The following GP2 variants were observed in gnomAD, a reference collection of about 807,000 sequenced individuals.
GP2 encodes the protein glycoprotein 2.
In GP2, 58 loss-of-function variants were observed where a neutral mutation model predicts 60.8. The observed-to-expected ratio is 0.95, with a 90% CI of 0.77 to 1.19. GP2 has a LOEUF of 1.19. GP2 is among the 50% of genes most tolerant of loss of function. The pLI is 0.00. For missense variants in GP2, 647 were observed against 667.4 expected (o/e 0.97, Z 0.34); for synonymous variants, 280 against 253.4 (o/e 1.10, Z -1.00).
intron 4 of GP2, among the ~76,000 whole-genome samples, chr16:20,321,069 T>A (rs529682201): frequency 2.1e-4 from 31 of 147,998 alleles, no homozygotes; most frequent in African/African-American, 7.2e-4. Flanking sequence ...TTTTTTTTTT[T>A]AGACAGAGTT....
At chr16:20,323,060 T>C in intron 3 of GP2, 81 bp from the exon 4 acceptor site, 1 of 740,056 alleles carries the variant, frequency 1.4e-6, no homozygotes, top group Non-Finnish European at 2.4e-6. Flanking sequence ...CCCTTTCATT[T>C]CACCGGGGCA....
In GP2 at chr16:20,322,893, A is replaced by G. The variant is rs1241672598; in HGVS notation, c.622T>C (p.Cys208Arg). ...LALNSTWGCF[C>R]RQDLNSSDVH... ...CCAGAACTATTGAGGTCCTGTCTGC[A>G]GAAACAGCCCCAGGTGCTGTTGAGG... Residue 208 changes from cysteine (C) to arginine (R), a missense_variant, in exon 4 of 11, where the codon TGC (cysteine) becomes CGC (arginine). Coordinates refer to ENST00000302555, the MANE Select transcript of GP2 (RefSeq NM_001502.4). 3 of 1,605,930 alleles carry G rather than the reference A, an allele frequency of 1.9e-6. No individual in the cohort carries two copies. The highest frequency in any genetic ancestry group is 2.6e-6 in the Non-Finnish European group (3 of 1,172,662).
At chr16:20,316,567 T>G (rs1009096409) in intron 8 of GP2, among the ~76,000 whole-genome samples, 1 of 152,114 alleles carries the variant, frequency 6.6e-6, no homozygotes, top group Non-Finnish European at 1.5e-5. Context: ...GAGACTTACA[T>G]TAAAAAATGT....
At chr16:20,315,450 C>T (rs1322750342) in intron 9 of GP2, among the ~76,000 whole-genome samples, 1 of 152,110 alleles carries the variant, frequency 6.6e-6, no homozygotes, top group African/African-American at 2.4e-5. Flanking sequence ...ATATTATACT[C>T]CAGAATACTG....
In GP2 at chr16:20,326,344, G is replaced by T. The variant is rs779406499; in HGVS notation, c.88C>A (p.Gln30Lys). Reference sequence around the variant, plus strand: ...AGGTGAGCAGAATACTTACCTCGCTGCACTGCAGATGCCTGGGTCAGAATG... The same window carrying T: ...AGGTGAGCAGAATACTTACCTCGCTTCACTGCAGATGCCTGGGTCAGAATG... The part of the protein sequence containing the change: ...SCILTQASAV[Q>K]RGYGNPIEAS... Residue 30 changes from glutamine (Q) to lysine (K), a missense_variant, in exon 2 of 11, where the codon CAG (glutamine) becomes AAG (lysine). Coordinates refer to ENST00000302555, the MANE Select transcript of GP2 (RefSeq NM_001502.4). 9.9e-6 allele frequency: 16 copies of T among 1,613,718 alleles called. No homozygotes were observed. The highest frequency in any genetic ancestry group is 1.3e-5 in the Non-Finnish European group (15 of 1,179,650).
rs539909863 is a variant in GP2 at position 20,323,489 on chromosome 16, C to A, written c.535+327G>T. ...ATTAGCTGTTATTTTTGCTGTACCC[C>A]CCCCCCCTTTTTTTCAGATCAGAAC... On this transcript the variant is annotated intron_variant, in intron 3 of 10. Coordinates refer to ENST00000302555, the MANE Select transcript of GP2 (RefSeq NM_001502.4). 22 of 615,960 alleles carry A rather than the reference C, an allele frequency of 3.6e-5. No individual in the cohort carries two copies. The East Asian group carries it at 5.1e-4, about 14-fold the overall frequency. The allele number at this position is 615,960 out of a possible 1,614,324, so 38.2% of individuals were successfully genotyped here. A position where few individuals can be genotyped will look rare whatever the true frequency, so the allele number is the denominator to read the frequency against.
Position 20,311,141 on chromosome 16 carries a change from G to A in GP2, c.*82C>T. 3.5e-6 allele frequency: 3 copies of A among 845,098 alleles called. No homozygotes were observed. The East Asian group carries it at 7.3e-5, about 21-fold the overall frequency. 52.3% of individuals were successfully genotyped at this position (845,098 alleles called of 1,614,324 possible). A position where few individuals can be genotyped will look rare whatever the true frequency, so the allele number is the denominator to read the frequency against. On this transcript the variant is annotated 3_prime_UTR_variant, in exon 11 of 11. Coordinates refer to ENST00000302555, the MANE Select transcript of GP2 (RefSeq NM_001502.4). ...TATTAATACCAAGCCTGTGTGAATTGGAGTGGAAAGCAGAAGTGCTGAAGG... is the reference window on the plus strand; with the variant it reads ...TATTAATACCAAGCCTGTGTGAATTAGAGTGGAAAGCAGAAGTGCTGAAGG...
rs1463532740 is a variant in GP2 at position 20,323,939 on chromosome 16, A to G, written c.412T>C (p.Cys138Arg). Residue 138 changes from cysteine (C) to arginine (R), a missense_variant, in exon 3 of 11, where the codon TGT becomes CGT. Cys to Arg is a radical substitution (Grantham distance 180, BLOSUM62 -3). Coordinates refer to ENST00000302555, the MANE Select transcript of GP2 (RefSeq NM_001502.4). ...CAGCAGTTGCCACTCCAATGGGCAC[A>G]GGCAGTGTGGTTGGTGATGCCATCC... ...LGDGITNHTA[C>R]AHWSGNCCFW... 1 of 1,613,900 alleles carries G rather than the reference A, an allele frequency of 6.2e-7. No individual in the cohort carries two copies. The highest frequency in any genetic ancestry group is 8.5e-7 in the Non-Finnish European group (1 of 1,179,848).
In GP2 at chr16:20,309,592, A is replaced by G. The variant is rs1404301151; in HGVS notation, c.*1631T>C. The G allele has an allele frequency of 1.3e-5, 2 of 152,200 alleles. No homozygotes were observed. Among genetic ancestry groups the G allele is most frequent in the Non-Finnish European group, 2.9e-5 (2 of 68,044 alleles). The allele number at this position is 152,200 out of a possible 1,614,324, so 9.4% of individuals were successfully genotyped here. On this transcript the variant is annotated 3_prime_UTR_variant, in exon 11 of 11. Coordinates refer to ENST00000302555, the MANE Select transcript of GP2 (RefSeq NM_001502.4). ...AGTGATGTGAAGCTAGAATGTCCAT[A>G]TTTAATCAAGGGATGAGTGAACAGG...
chr16:20,310,922 A>G lies in GP2; in HGVS notation c.*301T>C. ...CAGGCGCCTGCCACCATGCCTGGCTAATTTTTGTATTTTTAGTAGAGACGG... is the reference window on the plus strand; with the variant it reads ...CAGGCGCCTGCCACCATGCCTGGCTGATTTTTGTATTTTTAGTAGAGACGG... On this transcript the variant is annotated 3_prime_UTR_variant, in exon 11 of 11. Transcript: ENST00000302555. 1 of 223,546 alleles carries G rather than the reference A, an allele frequency of 4.5e-6. No individual in the cohort carries two copies. The highest frequency in any genetic ancestry group is 9.0e-6 in the Non-Finnish European group (1 of 110,970). The allele number at this position is 223,546 out of a possible 1,614,324, so 13.8% of individuals were successfully genotyped here. A position where few individuals can be genotyped will look rare whatever the true frequency, so the allele number is the denominator to read the frequency against.
At chr16:20,319,837 A>T (rs1964297138) in intron 5 of GP2, 69 bp from the exon 6 acceptor site, 3 of 1,261,048 alleles carry the variant, frequency 2.4e-6, no homozygotes. Context: ...TCAAATCCAG[A>T]TCTGATTTCC....
At chr16:20,319,323 C>A (rs1964276810) in intron 6 of GP2, among the ~76,000 whole-genome samples, 1 of 152,178 alleles carries the variant, frequency 6.6e-6, no homozygotes, top group South Asian at 2.1e-4. Flanking sequence ...GGTGAATGAA[C>A]TTTGAACTTG....
rs12596974 is a variant in GP2, at chr16:20,310,838, C to A, written c.*385G>T. 11,933 of 172,268 alleles carry A rather than the reference C, an allele frequency of 0.069. 1,695 individuals are homozygous for A. The highest frequency in any genetic ancestry group is 0.68 in the East Asian group (3,699 of 5,408). The allele number at this position is 172,268 out of a possible 1,614,324, so 10.7% of individuals were successfully genotyped here. On this transcript the variant is annotated 3_prime_UTR_variant, in exon 11 of 11. Transcript: ENST00000302555. ...ATGGCACAATCTCAACTCACTGCAA[C>A]CTCCACCCCCTGAGTTCGAGCAATT...
At position 20,318,236 on chromosome 16, in the gene GP2, G is replaced by A. The variant is rs762977910; in HGVS notation, c.1202C>T (p.Thr401Ile). The change falls in exon 7 of 11, where the codon ACC becomes ATC. Residue 401 changes from threonine (T) to isoleucine (I), a missense_variant. By Grantham distance (89) the Thr-to-Ile change is moderately conservative (BLOSUM62 -1). Transcript: ENST00000302555. The part of the protein sequence containing the change: ...FNLVLRNCYA[T>I]PTEDKADLVK... ...AAGGTCAGCCTTGTCTTCAGTGGGG[G>A]TGGCATAGCAGTTCCTCAACACCAG... 1 of 1,611,762 alleles carries A rather than the reference G, an allele frequency of 6.2e-7. No individual in the cohort carries two copies. Among genetic ancestry groups the A allele is most frequent in the South Asian group, 1.1e-5 (1 of 91,040 alleles).
Position 20,326,349 on chromosome 16 carries a change from GC to G in GP2, c.82del (p.Ala28GlnfsTer62). 2 of 1,613,774 alleles carry G rather than the reference GC, an allele frequency of 1.2e-6. No individual in the cohort carries two copies. Among genetic ancestry groups the G allele is most frequent in the Non-Finnish European group, 1.7e-6 (2 of 1,179,712 alleles). ...AGCAGAATACTTACCTCGCTGCACT[GC>G]AGATGCCTGGGTCAGAATGCAGGAG... ...LVSCILTQAS[A>X]VQRGYGNPIE... is the part of the protein sequence containing the mutation. On this transcript the variant is annotated frameshift_variant, in exon 2 of 11. Coordinates refer to ENST00000302555, the MANE Select transcript of GP2 (RefSeq NM_001502.4). LOFTEE classifies it high-confidence loss of function.
In GP2 at chr16:20,323,810, G is replaced by A. The variant is rs1397587240; in HGVS notation, c.535+6C>T. On this transcript the variant is annotated splice_donor_region_variant and intron_variant, in intron 3 of 10. Transcript: ENST00000302555. ...TAGCTGCCTCCTCCAGGGCTCTGCT[G>A]CTCACCTGTGCAGTATCTCAGATTA... is the stretch of plus-strand genomic sequence containing the variant. 1.3e-6 allele frequency: 2 copies of A among 1,590,158 alleles called. No homozygotes were observed. Among genetic ancestry groups the A allele is most frequent in the Non-Finnish European group, 1.7e-6 (2 of 1,164,166 alleles).
intron 4 of GP2, among the ~76,000 whole-genome samples, chr16:20,322,367 C>T (rs563082768): frequency 5.3e-5 from 8 of 152,254 alleles, no homozygotes; most frequent in South Asian, 2.1e-4. Context: ...CCTCCTGGGA[C>T]GAGAAATTCA....
chr16:20,315,085 C>T (rs7188098), intron 9 of GP2, among the ~76,000 whole-genome samples: 25,602 of 152,034 alleles, frequency 0.17, 3,694 homozygotes, highest in East Asian at 0.69. Flanking sequence ...GTGATGCCAC[C>T]TGAGGCTTCA....
intron 2 of GP2, 24 bp downstream of exon 2, chr16:20,326,314 A>T: frequency 6.2e-7 from 1 of 1,610,238 alleles, no homozygotes; most frequent in Non-Finnish European, 8.5e-7. Flanking sequence ...GACATCTGAG[A>T]TGCCAGGTGA....
Sources: gnomAD v4.1 joint callset for allele counts (sites outside exome capture counted in the v4.1 genomes callset) on GRCh38, gnomAD v4.1.1 for gene constraint, MANE v1.5 for transcripts, NCBI Gene and HGNC (gene_info 2026-07-23, HGNC 2026-07-21) for gene names.